RBFOX1: variants seen among roughly 807,000 people sequenced by gnomAD.
RBFOX1 encodes RNA binding protein fox-1 homolog 1.
RBFOX1 carries 8 observed loss-of-function variants against 57.7 expected under a neutral mutation model. That is an observed-to-expected ratio of 0.14 (90% CI 0.08 to 0.25). The LOEUF (loss-of-function observed/expected upper bound fraction) is 0.25, where lower values mean the gene tolerates loss of function less well. Among genes scored for constraint, RBFOX1 ranks in the 10% least tolerant of loss-of-function variants. The pLI, the probability that RBFOX1 is intolerant of heterozygous loss-of-function variation, is 1.00. For synonymous variants in RBFOX1, 326 were observed against 222.4 expected, an observed-to-expected ratio of 1.47 and a Z score of -4.15; for missense variants, 611 against 548.5, an observed-to-expected ratio of 1.11 and a Z score of -1.14.
In RBFOX1 at chr16:7,304,472, T is replaced by C. The variant is rs1254832608; in HGVS notation, c.28-213675T>C. 7.1e-6 allele frequency: 7 copies of C among 985,148 alleles called. No homozygotes were observed. The African/African-American group carries it at 1.0e-4, about 15-fold the overall frequency. The allele number at this position is 985,148 out of a possible 1,614,324, so 61.0% of individuals were successfully genotyped here. A position where few individuals can be genotyped will look rare whatever the true frequency, so the allele number is the denominator to read the frequency against. On this transcript the variant is annotated intron_variant, in intron 4 of 15. Transcript: ENST00000550418. ...CAGCTTTCGTGTGCCTTGACTTTTA[T>C]GTACTTACAGCAGGTAAGGCGCGCG... is the stretch of plus-strand genomic sequence containing the variant.
chr16:6,353,442 A>T (rs1401254860), intron 2 of RBFOX1, among the ~76,000 whole-genome samples: 1 of 151,108 alleles, frequency 6.6e-6, no homozygotes, highest in Non-Finnish European at 1.5e-5. Flanking sequence ...ATAACTTGTC[A>T]TTTATTTGAT....
chr16:6,464,815 G>A (rs576937202), intron 2 of RBFOX1, among the ~76,000 whole-genome samples: 1 of 152,288 alleles, frequency 6.6e-6, no homozygotes, highest in African/African-American at 2.4e-5. Context: ...TCTCCTTCCT[G>A]CAATGTTTAA....
At chr16:7,075,321 T>C (rs1343090635) in intron 4 of RBFOX1, among the ~76,000 whole-genome samples, 1 of 152,230 alleles carries the variant, frequency 6.6e-6, no homozygotes, top group Non-Finnish European at 1.5e-5. Flanking sequence ...TATAGAGCAC[T>C]GAGAGGTTGC....
At chr16:5,670,044 A>G (rs2049970415) in intron 3 of RBFOX1, among the ~76,000 whole-genome samples, 1 of 152,214 alleles carries the variant, frequency 6.6e-6, no homozygotes, top group African/African-American at 2.4e-5. Flanking sequence ...AATGTAGATG[A>G]ACCTTGAAAA....
intron 2 of RBFOX1, among the ~76,000 whole-genome samples, chr16:6,647,102 C>T (rs954345952): frequency 3.3e-5 from 5 of 152,192 alleles, no homozygotes; most frequent in Non-Finnish European, 5.9e-5. Context: ...TTCTGATGAG[C>T]ACCCTCTTCC....
chr16:7,663,788 G>A (rs8047531), intron 12 of RBFOX1, among the ~76,000 whole-genome samples: 67,720 of 152,030 alleles, frequency 0.45, 16,802 homozygotes, highest in Non-Finnish European at 0.56. Context: ...TATGCAAGAT[G>A]CCTTGTGATC....
intron 4 of RBFOX1, among the ~76,000 whole-genome samples, chr16:7,432,967 T>G (rs578170058): frequency 1.3e-5 from 2 of 152,378 alleles, no homozygotes; most frequent in African/African-American, 4.8e-5. Flanking sequence ...AGAAGACTTC[T>G]CTGCAGCTTC....
chr16:6,499,411 A>T (rs1022751688), intron 2 of RBFOX1, among the ~76,000 whole-genome samples: 1 of 152,210 alleles, frequency 6.6e-6, no homozygotes, highest in Non-Finnish European at 1.5e-5. Flanking sequence ...TAATTAAAAT[A>T]AAAACTGTAG....
At chr16:6,681,223 C>A (rs1033659501) in intron 3 of RBFOX1, among the ~76,000 whole-genome samples, 8 of 152,048 alleles carry the variant, frequency 5.3e-5, no homozygotes, top group African/African-American at 1.9e-4. Context: ...GAGGCAGGAG[C>A]ATCACTTAAG....
At chr16:7,010,864 A>T (rs2093622157) in intron 3 of RBFOX1, among the ~76,000 whole-genome samples, 1 of 152,178 alleles carries the variant, frequency 6.6e-6, no homozygotes, top group African/African-American at 2.4e-5. Context: ...GGCATGAGCC[A>T]CTGCTCCCGG....
chr16:7,326,550 G>T (rs2096614495), intron 4 of RBFOX1, among the ~76,000 whole-genome samples: 1 of 152,116 alleles, frequency 6.6e-6, no homozygotes, highest in African/African-American at 2.4e-5. Context: ...TCTGAAGAAT[G>T]AATTAAAATT....
At position 5,519,661 on chromosome 16, in the gene RBFOX1, G is replaced by T. The variant is rs79616539; in HGVS notation, c.258+52407G>T. 1.8e-3 allele frequency among the ~76,000 whole-genome samples: 273 copies of T among 152,270 alleles called. 6 individuals are homozygous for T. In the East Asian group the frequency reaches 0.048, roughly 27 times the overall value. ...GATTGCTTGAGCCCAGGAGGTCAAG[G>T]CTGCAGTGAACGAAGATTATCTCCC... is the stretch of plus-strand genomic sequence containing the variant. On this transcript the variant is annotated intron_variant, in intron 2 of 2. Transcript: ENST00000585867.
At chr16:7,262,686 T>C (rs2094964122) in intron 4 of RBFOX1, among the ~76,000 whole-genome samples, 1 of 152,262 alleles carries the variant, frequency 6.6e-6, no homozygotes, top group Admixed American at 6.5e-5. Flanking sequence ...CGTGGAGGTG[T>C]CCTGAATAAT....
chr16:5,294,166 T>C (rs1407074969), intron 1 of RBFOX1, among the ~76,000 whole-genome samples: 1 of 152,036 alleles, frequency 6.6e-6, no homozygotes, highest in East Asian at 1.9e-4. Context: ...GAGGCAGAGG[T>C]TGCAGTGAGC....
chr16:5,980,739 G>C (rs1338864819), intron 4 of RBFOX1, among the ~76,000 whole-genome samples: 1 of 152,136 alleles, frequency 6.6e-6, no homozygotes, highest in East Asian at 1.9e-4. Flanking sequence ...GCAAATAGCA[G>C]GTAGGTGTGT....
At chr16:7,633,005 A>C (rs1235559794) in intron 11 of RBFOX1, among the ~76,000 whole-genome samples, 5 of 152,236 alleles carry the variant, frequency 3.3e-5, no homozygotes, top group African/African-American at 9.6e-5. Flanking sequence ...TCTCCATAAT[A>C]AAATAGCTGA....
intron 4 of RBFOX1, among the ~76,000 whole-genome samples, chr16:7,410,708 C>T (rs564079925): frequency 6.6e-6 from 1 of 152,030 alleles, no homozygotes; most frequent in African/African-American, 2.4e-5. Flanking sequence ...AAAAAACAAA[C>T]TGAGGTCTCT....
At chr16:6,043,884 C>T (rs1410073823) in intron 1 of RBFOX1, among the ~76,000 whole-genome samples, 1 of 152,150 alleles carries the variant, frequency 6.6e-6, no homozygotes, top group Non-Finnish European at 1.5e-5. Flanking sequence ...CCGGCCTCTG[C>T]TTGCTGTCAC....
chr16:5,940,961 TTGAA>T (rs1239713388), intron 4 of RBFOX1, among the ~76,000 whole-genome samples: 1 of 152,182 alleles, frequency 6.6e-6, no homozygotes, highest in East Asian at 1.9e-4. Context: ...TGCCCCTTAA[TTGAA>T]TGACCTTCTG....
Sources: gnomAD v4.1 joint callset for allele counts (sites outside exome capture counted in the v4.1 genomes callset) on GRCh38, gnomAD v4.1.1 for gene constraint, MANE v1.5 for transcripts, NCBI Gene and HGNC (gene_info 2026-07-23, HGNC 2026-07-21) for gene names.